The following CREBBP variants were observed in gnomAD, a reference collection of about 807,000 sequenced individuals.
CREBBP encodes the protein CREB-binding protein.
In CREBBP, 19 loss-of-function variants were observed where a neutral mutation model predicts 265.0. The ratio of observed to expected loss-of-function variants is 0.07; its 90% CI spans 0.05 to 0.11. CREBBP has a LOEUF of 0.11. Among genes scored for constraint, CREBBP ranks in the 10% least tolerant of loss-of-function variants. The probability of loss-of-function intolerance (pLI) is 1.00; values close to 1 mark genes in which losing one functional copy is unlikely to be tolerated. For synonymous variants in CREBBP, 1,457 were observed against 1,223.7 expected, an observed-to-expected ratio of 1.19 and a Z score of -3.98; for missense variants, 2,525 against 3,219.0, an observed-to-expected ratio of 0.78 and a Z score of 5.22.
chr16:3,755,171 T>G (rs948270774), intron 19 of CREBBP, among the ~76,000 whole-genome samples: 2 of 152,242 alleles, frequency 1.3e-5, no homozygotes, highest in Admixed American at 6.5e-5. Flanking sequence ...TTCAGAACTT[T>G]CATGCCATCA....
chr16:3,725,821 T>C lies in CREBBP; in HGVS notation c.*1897A>G, dbSNP rs1413648723. The C allele has an allele frequency of 8.6e-6, 2 of 232,938 alleles. No homozygotes were observed. Among genetic ancestry groups the C allele is most frequent in the African/African-American group, 4.4e-5 (2 of 45,330 alleles). 14.4% of individuals were successfully genotyped at this position (232,938 alleles called of 1,614,324 possible). On this transcript the variant is annotated 3_prime_UTR_variant, in exon 31 of 31. Transcript: ENST00000262367. ...CAAACGGAAGCTATTTGGGGCGTGA[T>C]TTCTAAAATTACCATCACCCCCACC...
intron 3 of CREBBP, among the ~76,000 whole-genome samples, chr16:3,794,258 G>A (rs2053562404): frequency 6.8e-6 from 1 of 147,808 alleles, no homozygotes; most frequent in Non-Finnish European, 1.5e-5. Flanking sequence ...TGTGAACCCG[G>A]GAGGCGGAGC....
At chr16:3,759,092 C>A in intron 16 of CREBBP, 120 bp from the exon 17 acceptor site, 1 of 789,994 alleles carries the variant, frequency 1.3e-6, no homozygotes, top group Non-Finnish European at 2.2e-6. Context: ...CTAAGGCACT[C>A]GAGGGGCTCT....
intron 27 of CREBBP, 188 bp from the exon 28 acceptor site, chr16:3,736,391 A>G (rs1596805038): frequency 1.3e-6 from 1 of 751,780 alleles, no homozygotes; most frequent in South Asian, 1.6e-5. Context: ...TGGAGCCCCT[A>G]TGTGTGCAAC....
intron 2 of CREBBP, among the ~76,000 whole-genome samples, chr16:3,849,419 GTGTGTGTGTGTGTGTGTGTGTGT>G (rs2054743302): frequency 3.9e-4 from 3 of 7,732 alleles, no homozygotes; most frequent in Admixed American, 4.6e-3. Context: ...GTGTGTGTGT[GTGTGTGTGTGTGTGTGTGTGTGT>G]GTGTGTGTGT....
intron 3 of CREBBP, among the ~76,000 whole-genome samples, chr16:3,803,860 C>T (rs1036670678): frequency 1.3e-5 from 2 of 152,032 alleles, no homozygotes; most frequent in Non-Finnish European, 2.9e-5. Context: ...GTGGGTGGAT[C>T]TCCTGAGCTC....
chr16:3,825,067 A>G (rs1373855768), intron 2 of CREBBP, among the ~76,000 whole-genome samples: 1 of 152,244 alleles, frequency 6.6e-6, no homozygotes, highest in African/African-American at 2.4e-5. Context: ...AACATGAGAC[A>G]GGATTCTATA....
chr16:3,755,010 G>C (rs2052556348), intron 19 of CREBBP, among the ~76,000 whole-genome samples: 1 of 152,226 alleles, frequency 6.6e-6, no homozygotes, highest in South Asian at 2.1e-4. Context: ...GTTCTAGAGA[G>C]CATGCCTGTG....
At chr16:3,755,545 G>A (rs1178169291) in intron 19 of CREBBP, among the ~76,000 whole-genome samples, 1 of 152,126 alleles carries the variant, frequency 6.6e-6, no homozygotes, top group Admixed American at 6.5e-5. Context: ...ATGAGGCTGC[G>A]AGGGAAGACG....
intron 23 of CREBBP, chr16:3,741,963 C>T (rs998116801): frequency 1.3e-5 from 2 of 152,342 alleles, no homozygotes; most frequent in African/African-American, 4.8e-5. Context: ...GCCTGTAGTC[C>T]CAGCTACTCG....
At chr16:3,784,412 T>C (rs2053341297) in intron 5 of CREBBP, 1 of 152,246 alleles carries the variant, frequency 6.6e-6, no homozygotes, top group Non-Finnish European at 1.5e-5. Flanking sequence ...GTGCACTTTA[T>C]GACAAGTGTG....
chr16:3,786,502 G>C (rs750765243), intron 5 of CREBBP, among the ~76,000 whole-genome samples: 55 of 152,234 alleles, frequency 3.6e-4, no homozygotes, highest in Non-Finnish European at 6.8e-4. Flanking sequence ...TGGAAATTCA[G>C]TGAAAACGGA....
At chr16:3,802,802 C>T (rs916197194) in intron 3 of CREBBP, among the ~76,000 whole-genome samples, 40 of 152,132 alleles carry the variant, frequency 2.6e-4, no homozygotes, top group African/African-American at 8.9e-4. Flanking sequence ...CCTTCCACAT[C>T]GCAACAGGGT....
chr16:3,764,791 C>G (rs1270265028), intron 16 of CREBBP, among the ~76,000 whole-genome samples: 1 of 151,998 alleles, frequency 6.6e-6, no homozygotes, highest in Admixed American at 6.6e-5. Flanking sequence ...CTATGTTGCC[C>G]AGGCTAGTCT....
rs2151383835 is a variant in CREBBP at position 3,758,000 on chromosome 16, G to A, written c.3418C>T (p.Arg1140Trp). Residue 1140 changes from arginine to tryptophan, a missense_variant, in exon 18 of 31, where the codon CGG becomes TGG. By Grantham distance (101) the Arg-to-Trp change is moderately radical. Transcript: ENST00000262367. Reference protein sequence around the residue: ...KNPMDLSTIKRKLDTGQYQEP... With the variant: ...KNPMDLSTIKWKLDTGQYQEP... ...TGGTATTGCCCTGTGTCCAGCTTCC[G>A]CTTGATGGTGGAGAGGTCCATGGGA... is the stretch of plus-strand genomic sequence containing the variant. 1 of 1,613,318 alleles carries A rather than the reference G, an allele frequency of 6.2e-7. No homozygotes were observed. Among genetic ancestry groups the A allele is most frequent in the Non-Finnish European group, 8.5e-7 (1 of 1,179,920 alleles).
intron 3 of CREBBP, among the ~76,000 whole-genome samples, chr16:3,796,195 G>A (rs2053605095): frequency 6.6e-6 from 1 of 152,094 alleles, no homozygotes; most frequent in Admixed American, 6.5e-5. Context: ...ATTATAACCA[G>A]ACTGTTCTTA....
chr16:3,754,700 C>T lies in CREBBP; in HGVS notation c.3698+2588G>A, dbSNP rs974705079. The stretch of plus-strand genomic sequence containing the variant: ...GATACTAACTGGGAAAGCTAAAGAA[C>T]AGTTTTTCCAACATGAGTTACTTTC... On this transcript the variant is annotated intron_variant, in intron 19 of 30. Coordinates refer to ENST00000262367, the MANE Select transcript of CREBBP (RefSeq NM_004380.3). 5.3e-5 allele frequency among the ~76,000 whole-genome samples: 8 copies of T among 152,196 alleles called. No individual in the cohort carries two copies. In the South Asian group the frequency reaches 1.7e-3, roughly 32 times the overall value.
Position 3,729,607 on chromosome 16 carries a change from C to T in CREBBP, c.5440G>A (p.Gly1814Arg), listed in dbSNP as rs747252584. Residue 1814 changes from glycine (G) to arginine (R), a missense_variant, in exon 31 of 31, where the codon GGG becomes AGG. Physicochemically the swap from Gly to Arg is moderately radical, Grantham distance 125. Around this residue, in one of 19 missense-constraint regions of CREBBP, gnomAD observed 53 missense variants for 146.3 expected, o/e 0.36. Coordinates refer to ENST00000262367, the MANE Select transcript of CREBBP (RefSeq NM_004380.3). ...HTKGCKRKTNGGCPVCKQLIA... is the reference protein window; with the variant it reads ...HTKGCKRKTNRGCPVCKQLIA... ...AGCTGCTTGCACACCGGGCAGCCCC[C>T]GTTGGTCTTGCGTTTGCAGCCCTTG... 3 of 1,614,166 alleles carry T rather than the reference C, an allele frequency of 1.9e-6. No individual in the cohort carries two copies. Among genetic ancestry groups the T allele is most frequent in the Non-Finnish European group, 1.7e-6 (2 of 1,180,012 alleles).
chr16:3,766,343 G>A (rs1486795047), intron 16 of CREBBP, among the ~76,000 whole-genome samples: 1 of 152,110 alleles, frequency 6.6e-6, no homozygotes, highest in Non-Finnish European at 1.5e-5. Context: ...CCAACTACAG[G>A]ATTTTCTTCA....
Sources: gnomAD v4.1 joint callset for allele counts (sites outside exome capture counted in the v4.1 genomes callset) on GRCh38, gnomAD v4.1.1 for gene constraint, gnomAD v4.1.1 regional missense constraint, MANE v1.5 for transcripts, NCBI Gene and HGNC (gene_info 2026-07-23, HGNC 2026-07-21) for gene names.